Variants in SDK2 observed in about 807,000 individuals in gnomAD.
The protein encoded by SDK2 is sidekick cell adhesion molecule 2, also known as protein sidekick-2.
A neutral mutation model predicts 253.9 loss-of-function variants in SDK2; 105 were observed. The ratio of observed to expected loss-of-function variants is 0.41; its 90% CI spans 0.35 to 0.49. SDK2 has a LOEUF of 0.49. SDK2 is among the 20% of genes least tolerant of loss of function. The probability of loss-of-function intolerance (pLI) is 0.06; values close to 1 mark genes in which losing one functional copy is unlikely to be tolerated. For synonymous variants in SDK2, 1,249 were observed against 1,234.9 expected (o/e 1.01, Z -0.24); for missense variants, 2,608 against 3,003.0 (o/e 0.87, Z 3.07).
At position 73,394,244 on chromosome 17, in the gene SDK2, C is replaced by T. The variant is rs369218969; in HGVS notation, c.3673G>A (p.Glu1225Lys). The stretch of plus-strand genomic sequence containing the variant: ...AGCACGAGCCCGTTGCGATCAGCCT[C>T]GGGGACCTCGCTCCAGCGCACCAGC... The part of the protein sequence containing the change: ...SMLVRWSEVP[E>K]ADRNGLVLGY... Residue 1225 changes from glutamate to lysine, a missense_variant, in exon 26 of 45, where the codon GAG becomes AAG. Glu to Lys is a moderately conservative substitution (Grantham distance 56). Coordinates refer to ENST00000392650, the MANE Select transcript of SDK2 (RefSeq NM_001144952.2). The T allele has an allele frequency of 1.9e-5, 30 of 1,599,626 alleles. No individual in the cohort carries two copies. Among genetic ancestry groups the T allele is most frequent in the African/African-American group, 1.3e-5 (1 of 74,820 alleles).
At chr17:73,550,726 G>T (rs529146938) in intron 1 of SDK2, among the ~76,000 whole-genome samples, 3 of 152,358 alleles carry the variant, frequency 2.0e-5, no homozygotes, top group South Asian at 2.1e-4. Flanking sequence ...ACAGGGAACT[G>T]GTTGCAGGTG....
intron 12 of SDK2, among the ~76,000 whole-genome samples, chr17:73,429,510 G>A (rs2063309068): frequency 6.6e-6 from 1 of 152,204 alleles, no homozygotes; most frequent in Admixed American, 6.5e-5. Flanking sequence ...GGGCTCCCCG[G>A]AGTCTCATTT....
intron 1 of SDK2, among the ~76,000 whole-genome samples, chr17:73,593,220 G>C (rs2045709082): frequency 6.6e-6 from 1 of 152,160 alleles, no homozygotes; most frequent in Admixed American, 6.5e-5. Flanking sequence ...GTGGATGTGG[G>C]GCTCTGTGGT....
intron 2 of SDK2, among the ~76,000 whole-genome samples, chr17:73,493,472 C>T (rs190057144): frequency 2.6e-5 from 4 of 152,272 alleles, no homozygotes; most frequent in Admixed American, 6.5e-5. Context: ...GAGGAGATGA[C>T]AGGAAGAAGT....
chr17:73,538,099 C>T (rs1054345546), intron 1 of SDK2, among the ~76,000 whole-genome samples: 5 of 152,108 alleles, frequency 3.3e-5, no homozygotes, highest in Admixed American at 3.3e-4. Context: ...CCGGGAACGG[C>T]GGTGTTCACT....
chr17:73,415,933 A>C lies in SDK2; in HGVS notation c.2246T>G (p.Val749Gly). 1 of 1,611,230 alleles carries C rather than the reference A, an allele frequency of 6.2e-7. No individual in the cohort carries two copies. Among genetic ancestry groups the C allele is most frequent in the Admixed American group, 1.7e-5 (1 of 59,598 alleles). The change falls in exon 17 of 45, where the codon GTG (valine) becomes GGG (glycine). Residue 749 changes from valine (V) to glycine (G), a missense_variant. This residue lies in a region of SDK2 where 1,505 missense variants were observed against 1,859.1 expected (regional missense o/e 0.81). Transcript: ENST00000392650. ...GAGATCCTCCAGCAGCAGGTTGTTC[A>C]CATCAGCATCCGTGATGTTCTTAAA... The part of the protein sequence containing the change: ...YQFKNITDAD[V>G]NNLLLEDLII...
intron 1 of SDK2, among the ~76,000 whole-genome samples, chr17:73,527,751 A>G (rs903724933): frequency 6.6e-6 from 1 of 152,180 alleles, no homozygotes; most frequent in East Asian, 1.9e-4. Context: ...TGCTGCTGTA[A>G]GACTCCAGGG....
At chr17:73,626,729 C>T (rs1181935620) in intron 1 of SDK2, among the ~76,000 whole-genome samples, 1 of 152,176 alleles carries the variant, frequency 6.6e-6, no homozygotes, top group Non-Finnish European at 1.5e-5. Context: ...CTTCATCAGC[C>T]CAGCACATTC....
intron 3 of SDK2, among the ~76,000 whole-genome samples, chr17:73,464,844 T>C (rs68038981): frequency 0.11 from 16,231 of 152,212 alleles, 1,199 homozygotes; most frequent in African/African-American, 0.21. Flanking sequence ...TAGAACACTT[T>C]AGTTTTTGTC....
At chr17:73,434,315 G>T (rs1372116673) in intron 9 of SDK2, among the ~76,000 whole-genome samples, 1 of 152,256 alleles carries the variant, frequency 6.6e-6, no homozygotes, top group Non-Finnish European at 1.5e-5. Flanking sequence ...ACCGTTTAGG[G>T]TTGGGGCAGC....
chr17:73,448,411 C>T (rs1263806046), intron 4 of SDK2, among the ~76,000 whole-genome samples: 1 of 152,004 alleles, frequency 6.6e-6, no homozygotes, highest in Non-Finnish European at 1.5e-5. Flanking sequence ...GTTGCCCAGG[C>T]TGGAGTACAG....
intron 1 of SDK2, among the ~76,000 whole-genome samples, chr17:73,559,780 T>C (rs904802244): frequency 2.1e-4 from 32 of 152,164 alleles, no homozygotes; most frequent in African/African-American, 7.0e-4. Context: ...CCCTAATGCC[T>C]GTGCTCCCGA....
intron 38 of SDK2, among the ~76,000 whole-genome samples, chr17:73,364,714 C>T (rs560582219): frequency 3.3e-5 from 5 of 152,202 alleles, no homozygotes; most frequent in Non-Finnish European, 7.4e-5. Context: ...CTCTGCCTGC[C>T]GGGTTCAAGC....
intron 12 of SDK2, among the ~76,000 whole-genome samples, chr17:73,430,261 T>C (rs910239206): frequency 1.3e-5 from 2 of 152,152 alleles, no homozygotes; most frequent in Admixed American, 1.3e-4. Context: ...ACTTCATCTT[T>C]CTGCACCCCT....
intron 5 of SDK2, 61 bp from the exon 6 acceptor site, chr17:73,440,984 C>T: frequency 7.9e-7 from 1 of 1,264,118 alleles, no homozygotes; most frequent in Non-Finnish European, 1.1e-6. Context: ...TGCCCAGCCT[C>T]ATTAGAGGCT....
chr17:73,510,645 G>A (rs1011811388), intron 1 of SDK2, among the ~76,000 whole-genome samples: 3 of 152,064 alleles, frequency 2.0e-5, no homozygotes, highest in Non-Finnish European at 2.9e-5. Flanking sequence ...GATCACAGGC[G>A]TGCACCACCA....
At chr17:73,433,690 G>T (rs758241886) in intron 10 of SDK2, 42 bp downstream of exon 10, 9 of 1,445,154 alleles carry the variant, frequency 6.2e-6, no homozygotes, top group Non-Finnish European at 8.6e-6. Context: ...ACTCTTCTAG[G>T]CTATCACCCA....
At chr17:73,466,875 CTG>C (rs1048001607) in intron 3 of SDK2, among the ~76,000 whole-genome samples, 4 of 152,116 alleles carry the variant, frequency 2.6e-5, no homozygotes, top group African/African-American at 9.7e-5. Context: ...GATGGGAAAA[CTG>C]AGGTCCAGAG....
intron 1 of SDK2, among the ~76,000 whole-genome samples, chr17:73,550,328 G>A (rs907042825): frequency 3.9e-5 from 6 of 152,298 alleles, no homozygotes; most frequent in African/African-American, 7.2e-5. Context: ...TTAATGCTAC[G>A]TCCCCAGGAA....
Sources: gnomAD v4.1 joint callset for allele counts (sites outside exome capture counted in the v4.1 genomes callset) on GRCh38, gnomAD v4.1.1 for gene constraint, gnomAD v4.1.1 regional missense constraint, MANE v1.5 for transcripts, NCBI Gene and HGNC (gene_info 2026-07-23, HGNC 2026-07-21) for gene names.